Variants in SMYD4 observed in about 807,000 individuals in gnomAD.
The protein encoded by SMYD4 is protein-lysine N-methyltransferase SMYD4.
Under a neutral mutation model 72.8 loss-of-function variants are expected in SMYD4, and 68 were observed. The ratio of observed to expected loss-of-function variants is 0.93; its 90% CI spans 0.77 to 1.14. SMYD4 has a LOEUF of 1.14. Among genes scored for constraint, SMYD4 ranks in the 50% most tolerant of loss-of-function variants. The probability of loss-of-function intolerance (pLI) is 0.00; values close to 1 mark genes in which losing one functional copy is unlikely to be tolerated. For synonymous variants in SMYD4, 407 were observed against 388.6 expected, an observed-to-expected ratio of 1.05 and a Z score of -0.56; for missense variants, 984 against 1,003.7, an observed-to-expected ratio of 0.98 and a Z score of 0.27.
chr17:1,786,866 C>A lies in SMYD4; in HGVS notation c.1828G>T (p.Ala610Ser). ...AATGCTTCCCACCTGGGCCCTGCAG[C>A]CATCCTGTGTGCCTCAGTTTGACAA... The part of the protein sequence containing the change: ...PACQTEAHRM[A>S]AGPRWEAFCC... The change falls in exon 7 of 11, where the codon GCT becomes TCT. Residue 610 changes from alanine to serine, a missense_variant. Physicochemically the swap from Ala to Ser is moderately conservative, Grantham distance 99. Transcript: ENST00000305513. The A allele has an allele frequency of 6.2e-7, 1 of 1,614,234 alleles. No individual in the cohort carries two copies. Among genetic ancestry groups the A allele is most frequent in the Non-Finnish European group, 8.5e-7 (1 of 1,180,042 alleles).
chr17:1,807,451 C>G (rs1910100575), intron 3 of SMYD4, among the ~76,000 whole-genome samples: 1 of 151,700 alleles, frequency 6.6e-6, no homozygotes, highest in South Asian at 2.1e-4. Context: ...CAACCCCGCA[C>G]CAGGGTTCAA....
intron 2 of SMYD4, among the ~76,000 whole-genome samples, chr17:1,816,357 C>T (rs1347398966): frequency 1.4e-4 from 22 of 151,852 alleles, no homozygotes; most frequent in Non-Finnish European, 2.9e-5. Flanking sequence ...CGGTGGCTCA[C>T]GCCTGTAATC....
In SMYD4 at chr17:1,788,483, C is replaced by G. The variant is rs534955730; in HGVS notation, c.1538-879G>C. The stretch of plus-strand genomic sequence containing the variant: ...CATTTTGGCCGGGCGCGGTGGCTCA[C>G]GCCTGTAATCCCAGTACTTTGGGAG... On this transcript the variant is annotated intron_variant, in intron 5 of 10. Transcript: ENST00000305513. 6.4e-4 allele frequency among the ~76,000 whole-genome samples: 98 copies of G among 152,104 alleles called. 1 individual carries two copies. The highest frequency in any genetic ancestry group is 1.5e-5 in the Non-Finnish European group (1 of 68,020).
chr17:1,810,286 CT>C (rs879894019), intron 3 of SMYD4, among the ~76,000 whole-genome samples: 1,512 of 146,422 alleles, frequency 0.01, 17 homozygotes, highest in African/African-American at 0.033. Context: ...ACATAAATTA[CT>C]TTTTTTTTTT....
chr17:1,794,683 A>G (rs1389597616), intron 5 of SMYD4, among the ~76,000 whole-genome samples: 1 of 151,720 alleles, frequency 6.6e-6, no homozygotes, highest in African/African-American at 2.4e-5. Flanking sequence ...TTCATTTTGT[A>G]GCTTTAATGC....
intron 5 of SMYD4, among the ~76,000 whole-genome samples, chr17:1,797,776 T>G (rs570575854): frequency 1.4e-4 from 21 of 147,594 alleles, no homozygotes; most frequent in Non-Finnish European, 2.6e-4. Flanking sequence ...CCAAGGTGGG[T>G]GGCTCACCTG....
At position 1,784,469 on chromosome 17, in the gene SMYD4, A is replaced by G; in HGVS notation, c.1885-8T>C. The stretch of plus-strand genomic sequence containing the variant: ...GCGCAGCACGTCATCTCCCTGTGGA[A>G]GTCAGTTTTCTCTTTATTCCAATGC... On this transcript the variant is annotated splice_region_variant and splice_polypyrimidine_tract_variant and intron_variant, in intron 7 of 10. Transcript: ENST00000305513. The G allele has an allele frequency of 6.2e-7, 1 of 1,614,048 alleles. No individual in the cohort carries two copies. Among genetic ancestry groups the G allele is most frequent in the Non-Finnish European group, 8.5e-7 (1 of 1,179,992 alleles).
chr17:1,788,371 T>TA (rs57170987), intron 5 of SMYD4, among the ~76,000 whole-genome samples: 1 of 151,954 alleles, frequency 6.6e-6, no homozygotes, highest in Non-Finnish European at 1.5e-5. Flanking sequence ...AATAAAAATT[T>TA]AAAAAAAGTT....
chr17:1,795,927 C>T (rs908221052), intron 5 of SMYD4, among the ~76,000 whole-genome samples: 8 of 152,034 alleles, frequency 5.3e-5, no homozygotes, highest in African/African-American at 1.9e-4. Context: ...GAATTAATCA[C>T]TGCTCAGATT....
chr17:1,829,757 G>C lies in SMYD4; in HGVS notation c.-44C>G. 5.0e-6 allele frequency: 1 copy of C among 201,884 alleles called. No homozygotes were observed. Among genetic ancestry groups the C allele is most frequent in the Non-Finnish European group, 9.9e-6 (1 of 101,230 alleles). The allele number at this position is 201,884 out of a possible 1,614,324, so 12.5% of individuals were successfully genotyped here. A position where few individuals can be genotyped will look rare whatever the true frequency, so the allele number is the denominator to read the frequency against. On this transcript the variant is annotated 5_prime_UTR_variant, in exon 1 of 11. Transcript: ENST00000305513. ...ACTCGCCAGAGACCGAGGCGAGAAC[G>C]CCTCGAGAACCGCTCAGACGCGCCC...
chr17:1,819,572 G>A (rs1910792228), intron 2 of SMYD4, among the ~76,000 whole-genome samples: 2 of 152,116 alleles, frequency 1.3e-5, no homozygotes, highest in Admixed American at 1.3e-4. Context: ...TGAAGAGCCT[G>A]TTTCCCAGTG....
intron 4 of SMYD4, among the ~76,000 whole-genome samples, chr17:1,802,440 G>A (rs1851995819): frequency 6.6e-6 from 1 of 152,122 alleles, no homozygotes; most frequent in South Asian, 2.1e-4. Flanking sequence ...ATCACAGTTA[G>A]CTATGATCGA....
chr17:1,822,753 C>T (rs926243713), intron 2 of SMYD4, among the ~76,000 whole-genome samples: 1 of 152,124 alleles, frequency 6.6e-6, no homozygotes, highest in African/African-American at 2.4e-5. Flanking sequence ...GTGTGAGCCA[C>T]TGCACCCGGT....
intron 3 of SMYD4, among the ~76,000 whole-genome samples, chr17:1,810,394 G>A (rs1910267817): frequency 1.3e-5 from 2 of 152,014 alleles, no homozygotes; most frequent in African/African-American, 4.8e-5. Context: ...AAAATTAGCT[G>A]GGCGTGGTGC....
At position 1,827,884 on chromosome 17, in the gene SMYD4, A is replaced by G. The variant is rs1911277845; in HGVS notation, c.111T>C (p.Phe37=). 6.2e-7 allele frequency: 1 copy of G among 1,608,392 alleles called. No individual in the cohort carries two copies. The highest frequency in any genetic ancestry group is 1.3e-5 in the African/African-American group (1 of 74,896). ...ISTAETLRDI[F]LHSSSLLQPE... ...ACTGAAGAAGTGAAGAGGAGTGAAG[A>G]AAGATATCCCTCAAGGTCTCTGCTG... The change falls in exon 2 of 11, where the codon TTT becomes TTC. Residue 37 remains phenylalanine, a synonymous_variant. Transcript: ENST00000305513.
At chr17:1,799,302 C>A (rs943280477) in intron 5 of SMYD4, among the ~76,000 whole-genome samples, 23 of 151,934 alleles carry the variant, frequency 1.5e-4, no homozygotes, top group African/African-American at 5.5e-4. Context: ...CTTTACACAA[C>A]TCTGTAAAGT....
Position 1,783,449 on chromosome 17 carries a change from C to T in SMYD4, c.2048G>A (p.Cys683Tyr). ...CAGGAAGCTCTCGGCGTCACGCTGG[C>T]ACCCCGACAGCCGCTGAACAGCTCG... ...LERAVQRLSGCQRDAESFLWA... is the reference protein window; with the variant it reads ...LERAVQRLSGYQRDAESFLWA... The change falls in exon 9 of 11, where the codon TGC becomes TAC. Residue 683 changes from cysteine (C) to tyrosine (Y), a missense_variant. Physicochemically the swap from Cys to Tyr is radical, Grantham distance 194 (BLOSUM62 -2). Coordinates refer to ENST00000305513, the MANE Select transcript of SMYD4 (RefSeq NM_052928.3). 6.2e-7 allele frequency: 1 copy of T among 1,611,100 alleles called. No homozygotes were observed. Among genetic ancestry groups the T allele is most frequent in the Non-Finnish European group, 8.5e-7 (1 of 1,179,366 alleles).
At chr17:1,828,597 CTCTTT>C (rs1468059516) in intron 1 of SMYD4, among the ~76,000 whole-genome samples, 1 of 80,772 alleles carries the variant, frequency 1.2e-5, no homozygotes, top group Non-Finnish European at 3.5e-5. Context: ...CTCTTAGATC[CTCTTT>C]TTTTTTTTTT....
At chr17:1,796,232 C>T (rs1430931331) in intron 5 of SMYD4, among the ~76,000 whole-genome samples, 1 of 151,226 alleles carries the variant, frequency 6.6e-6, no homozygotes, top group African/African-American at 2.4e-5. Context: ...CTCTTCGGCT[C>T]AAGCAATCCT....
Sources: allele counts gnomAD v4.1 joint callset (sites outside exome capture counted in the v4.1 genomes callset), GRCh38; gene constraint gnomAD v4.1.1; transcripts MANE v1.5; gene names NCBI Gene and HGNC (gene_info 2026-07-23, HGNC 2026-07-21).